EIF4EBP2: variants seen among roughly 807,000 people sequenced by gnomAD.
EIF4EBP2 encodes the protein eukaryotic translation initiation factor 4E-binding protein 2.
In EIF4EBP2, 5 loss-of-function variants were observed where a neutral mutation model predicts 10.3. The observed-to-expected ratio is 0.48, with a 90% CI of 0.25 to 1.02. The LOEUF (loss-of-function observed/expected upper bound fraction) is 1.02, where lower values mean the gene tolerates loss of function less well. EIF4EBP2 is among the 50% of genes least tolerant of loss of function. The pLI, the probability that EIF4EBP2 is intolerant of heterozygous loss-of-function variation, is 0.15. For synonymous variants in EIF4EBP2, 67 were observed against 61.1 expected (o/e 1.10, Z -0.45); for missense variants, 188 against 162.2 (o/e 1.16, Z -0.86).
intron 1 of EIF4EBP2, among the ~76,000 whole-genome samples, chr10:70,412,613 G>A (rs1490625239): frequency 6.6e-6 from 1 of 152,140 alleles, no homozygotes; most frequent in East Asian, 1.9e-4. Context: ...AGCCATCTTG[G>A]CAAGCATAAC....
Position 70,408,547 on chromosome 10 carries a change from C to T in EIF4EBP2, c.145+4001C>T, listed in dbSNP as rs143257705. ...TTCTTTACTTACTGATTTAACTTCCCCCTCTGACGGTTTGTGTATCTCTAA... is the reference window on the plus strand; with the variant it reads ...TTCTTTACTTACTGATTTAACTTCCTCCTCTGACGGTTTGTGTATCTCTAA... On this transcript the variant is annotated intron_variant, in intron 1 of 2. Coordinates refer to ENST00000373218, the MANE Select transcript of EIF4EBP2 (RefSeq NM_004096.5). 7.5e-3 allele frequency among the ~76,000 whole-genome samples: 1,143 copies of T among 152,298 alleles called. 7 individuals carry two copies. Among genetic ancestry groups the T allele is most frequent in the Middle Eastern group, 0.031 (9 of 294 alleles).
chr10:70,408,501 G>A (rs1845007601), intron 1 of EIF4EBP2, among the ~76,000 whole-genome samples: 1 of 152,242 alleles, frequency 6.6e-6, no homozygotes, highest in Non-Finnish European at 1.5e-5. Flanking sequence ...CACTATTACA[G>A]CAATGAATAC....
At chr10:70,415,303 C>G (rs967204597) in intron 1 of EIF4EBP2, among the ~76,000 whole-genome samples, 1 of 152,062 alleles carries the variant, frequency 6.6e-6, no homozygotes, top group Non-Finnish European at 1.5e-5. Flanking sequence ...AAAGAAGACC[C>G]AAATAAGTGG....
chr10:70,405,634 C>T (rs1396032433), intron 1 of EIF4EBP2, among the ~76,000 whole-genome samples: 9 of 152,192 alleles, frequency 5.9e-5, no homozygotes, highest in Non-Finnish European at 8.8e-5. Context: ...GATTGCTAGC[C>T]TTGTTCCTGT....
chr10:70,419,653 G>A (rs1365630233), intron 1 of EIF4EBP2, among the ~76,000 whole-genome samples: 1 of 151,780 alleles, frequency 6.6e-6, no homozygotes, highest in African/African-American at 2.4e-5. Flanking sequence ...AGTGAGGGGT[G>A]GGGGTGGCTT....
chr10:70,415,516 C>A (rs1430509805), intron 1 of EIF4EBP2, among the ~76,000 whole-genome samples: 5 of 152,190 alleles, frequency 3.3e-5, no homozygotes, highest in African/African-American at 4.8e-5. Context: ...GGAGGACTTA[C>A]ACTTTGTGGT....
Position 70,404,258 on chromosome 10 carries a change from A to C in EIF4EBP2, c.-144A>C. ...CGGCGGCTGAGAGGGCGGCGGCGGG[A>C]GCGGAGCGGGACGAGGGAACGGGAG... On this transcript the variant is annotated 5_prime_UTR_variant, in exon 1 of 3. Transcript: ENST00000373218. 9.4e-7 allele frequency: 1 copy of C among 1,060,426 alleles called. No individual in the cohort carries two copies. The highest frequency in any genetic ancestry group is 1.3e-6 in the Non-Finnish European group (1 of 798,612). 65.7% of individuals were successfully genotyped at this position (1,060,426 alleles called of 1,614,324 possible).
chr10:70,410,654 T>G (rs565829582), intron 1 of EIF4EBP2, among the ~76,000 whole-genome samples: 1 of 152,378 alleles, frequency 6.6e-6, no homozygotes, highest in Admixed American at 6.5e-5. Flanking sequence ...GTTGAAAGAA[T>G]AAAAAGCAGA....
At position 70,404,277 on chromosome 10, in the gene EIF4EBP2, A is replaced by C; in HGVS notation, c.-125A>C. 2.8e-5 allele frequency: 34 copies of C among 1,205,620 alleles called. No homozygotes were observed. The highest frequency in any genetic ancestry group is 8.0e-5 in the Admixed American group (2 of 24,894). 74.7% of individuals were successfully genotyped at this position (1,205,620 alleles called of 1,614,324 possible). A position where few individuals can be genotyped will look rare whatever the true frequency, so the allele number is the denominator to read the frequency against. ...GGCGGGAGCGGAGCGGGACGAGGGA[A>C]CGGGAGGAAGCGAGCGAGGAGCGCG... On this transcript the variant is annotated 5_prime_UTR_variant, in exon 1 of 3. Transcript: ENST00000373218.
intron 1 of EIF4EBP2, among the ~76,000 whole-genome samples, chr10:70,412,816 C>T (rs567051589): frequency 6.6e-6 from 1 of 152,198 alleles, no homozygotes; most frequent in East Asian, 1.9e-4. Flanking sequence ...TATCTGGTCA[C>T]TAAGGGATGA....
chr10:70,415,088 G>T (rs1026575312), intron 1 of EIF4EBP2, among the ~76,000 whole-genome samples: 1 of 151,834 alleles, frequency 6.6e-6, no homozygotes, highest in Non-Finnish European at 1.5e-5. Flanking sequence ...AGCCCAGGAG[G>T]TGTAGGTTGC....
chr10:70,406,237 T>G (rs530629841), intron 1 of EIF4EBP2, among the ~76,000 whole-genome samples: 74 of 152,332 alleles, frequency 4.9e-4, no homozygotes, highest in African/African-American at 1.7e-3. Flanking sequence ...CCTCCCAAAG[T>G]GCTGGGATTA....
Position 70,421,775 on chromosome 10 carries a change from A to G in EIF4EBP2, c.*28A>G. On this transcript the variant is annotated 3_prime_UTR_variant, in exon 3 of 3. Coordinates refer to ENST00000373218, the MANE Select transcript of EIF4EBP2 (RefSeq NM_004096.5). ...CTCCTGCAAGGATTAGAAGAAAAGC[A>G]GCAACACTGATACTTGTGTGCACCT... The G allele has an allele frequency of 6.2e-7, 1 of 1,610,246 alleles. No individual in the cohort carries two copies. Among genetic ancestry groups the G allele is most frequent in the East Asian group, 2.2e-5 (1 of 44,872 alleles).
chr10:70,407,180 C>T (rs996568321), intron 1 of EIF4EBP2, among the ~76,000 whole-genome samples: 6 of 148,566 alleles, frequency 4.0e-5, no homozygotes, highest in Non-Finnish European at 7.4e-5. Flanking sequence ...TTGGCAGGGT[C>T]ACAGGACAAT....
rs79048241 is a variant in EIF4EBP2, at chr10:70,426,586, A to G, written c.*4839A>G. 0.019 allele frequency: 2,825 copies of G among 152,272 alleles called. 97 individuals carry two copies. Among genetic ancestry groups the G allele is most frequent in the African/African-American group, 0.065 (2,707 of 41,542 alleles). The allele number at this position is 152,272 out of a possible 1,614,324, so 9.4% of individuals were successfully genotyped here. ...GCCACCGCGCCTGGCCAAAGATGCA[A>G]ATTCTTGTTTGGATTTATGCTCTGC... On this transcript the variant is annotated 3_prime_UTR_variant, in exon 3 of 3. Transcript: ENST00000373218.
rs1242769774 is a variant in EIF4EBP2 at position 70,422,949 on chromosome 10, T to C, written c.*1202T>C. The C allele has an allele frequency of 6.6e-6, 1 of 152,276 alleles. No homozygotes were observed. The highest frequency in any genetic ancestry group is 1.5e-5 in the Non-Finnish European group (1 of 68,028). 9.4% of individuals were successfully genotyped at this position (152,276 alleles called of 1,614,324 possible). A position where few individuals can be genotyped will look rare whatever the true frequency, so the allele number is the denominator to read the frequency against. On this transcript the variant is annotated 3_prime_UTR_variant, in exon 3 of 3. Coordinates refer to ENST00000373218, the MANE Select transcript of EIF4EBP2 (RefSeq NM_004096.5). ...CCCAGTTTTCTTGCCTTTCCTGTTG[T>C]ACTCTGAATTTCTCTCCCTACCTCC...
chr10:70,404,163 CGCCGCTGCT>C lies in EIF4EBP2; in HGVS notation c.-228_-220del, dbSNP rs925643961. On this transcript the variant is annotated 5_prime_UTR_variant, in exon 1 of 3. Coordinates refer to ENST00000373218, the MANE Select transcript of EIF4EBP2 (RefSeq NM_004096.5). ...TTCGCCCGCTTCCGGTCGTCGTCGT[CGCCGCTGCT>C]GCCGCTGCTGTTGCTCCTGAGGCTG... Among the ~76,000 whole-genome samples, 2 of 152,224 alleles carry C rather than the reference CGCCGCTGCT, an allele frequency of 1.3e-5. No homozygotes were observed. Among genetic ancestry groups the C allele is most frequent in the Non-Finnish European group, 2.9e-5 (2 of 68,026 alleles).
intron 1 of EIF4EBP2, among the ~76,000 whole-genome samples, chr10:70,412,068 C>T (rs1845051409): frequency 6.6e-6 from 1 of 152,130 alleles, no homozygotes; most frequent in South Asian, 2.1e-4. Flanking sequence ...GCTCTTAAGT[C>T]AGTCATAGTT....
intron 1 of EIF4EBP2, 140 bp from the exon 2 acceptor site, chr10:70,419,774 G>A (rs774739508): frequency 5.2e-5 from 34 of 651,728 alleles, no homozygotes; most frequent in Non-Finnish European, 8.1e-5. Context: ...AGGCAGAGAG[G>A]TTAGAGATTA....
Sources: allele counts gnomAD v4.1 joint callset (sites outside exome capture counted in the v4.1 genomes callset), GRCh38; gene constraint gnomAD v4.1.1; transcripts MANE v1.5; gene names NCBI Gene and HGNC (gene_info 2026-07-23, HGNC 2026-07-21).